CRTC3: variants seen among roughly 807,000 people sequenced by gnomAD.
CRTC3 encodes CREB-regulated transcription coactivator 3.
CRTC3 carries 26 observed loss-of-function variants against 74.5 expected under a neutral mutation model. That is an observed-to-expected ratio of 0.35 (90% CI 0.26 to 0.48). The LOEUF is 0.48. CRTC3 is among the 20% of genes least tolerant of loss of function. The pLI, the probability that CRTC3 is intolerant of heterozygous loss-of-function variation, is 0.99. For missense variants in CRTC3, 760 were observed against 787.3 expected (o/e 0.97, Z 0.41); for synonymous variants, 377 against 325.8 (o/e 1.16, Z -1.69).
intron 2 of CRTC3, among the ~76,000 whole-genome samples, chr15:90,566,263 A>G (rs1377387525): frequency 6.6e-6 from 1 of 152,166 alleles, no homozygotes; most frequent in Non-Finnish European, 1.5e-5. Context: ...GAAAGAAGCC[A>G]TCTCACCCAG....
At chr15:90,615,415 T>C (rs1020773679) in intron 7 of CRTC3, among the ~76,000 whole-genome samples, 4 of 152,254 alleles carry the variant, frequency 2.6e-5, no homozygotes, top group Non-Finnish European at 5.9e-5. Flanking sequence ...TAGGTTTATA[T>C]GTCACAGAGG....
intron 9 of CRTC3, among the ~76,000 whole-genome samples, chr15:90,624,363 T>A (rs1968754441): frequency 6.6e-6 from 1 of 151,932 alleles, no homozygotes; most frequent in Non-Finnish European, 1.5e-5. Flanking sequence ...CAGTGACATT[T>A]CTGAAACGCC....
At chr15:90,630,546 C>T (rs192831842) in intron 11 of CRTC3, among the ~76,000 whole-genome samples, 6 of 152,134 alleles carry the variant, frequency 3.9e-5, no homozygotes, top group East Asian at 1.9e-4. Context: ...CCCAGGAGGT[C>T]GAGGCTGCAG....
chr15:90,531,772 A>G (rs975876338), intron 1 of CRTC3, among the ~76,000 whole-genome samples: 1 of 152,186 alleles, frequency 6.6e-6, no homozygotes, highest in Non-Finnish European at 1.5e-5. Context: ...TTAAATACAT[A>G]CTGTACATTG....
Position 90,530,952 on chromosome 15 carries a change from G to A in CRTC3, c.132+749G>A, listed in dbSNP as rs1305400446. ...GGCAGTGGAGGATGGAGAGCCAACC[G>A]GAGTGTCCGCGCAGGGTTGCAGAGA... On this transcript the variant is annotated intron_variant, in intron 1 of 14. Transcript: ENST00000268184. The surrounding 1 kb of genome is among the most constrained non-coding windows in gnomAD (Gnocchi z 6.2). Among the ~76,000 whole-genome samples the A allele has an allele frequency of 2.0e-5, 3 of 152,258 alleles. No homozygotes were observed. The highest frequency in any genetic ancestry group is 1.9e-4 in the East Asian group (1 of 5,188).
rs913537516 is a variant in CRTC3, at chr15:90,598,636, A to T, written c.352-3688A>T. ...TGAGATGGACTATAAGAAGAGGAAC[A>T]GATTAAGGGGACAGTGATTGGTTGG... is the stretch of plus-strand genomic sequence containing the variant. On this transcript the variant is annotated intron_variant, in intron 3 of 14. Coordinates refer to ENST00000268184, the MANE Select transcript of CRTC3 (RefSeq NM_022769.5). 10 of 652,662 alleles carry T rather than the reference A, an allele frequency of 1.5e-5. No individual in the cohort carries two copies. In the Admixed American group the frequency reaches 2.3e-4, roughly 15 times the overall value. 40.4% of individuals were successfully genotyped at this position (652,662 alleles called of 1,614,324 possible).
intron 2 of CRTC3, among the ~76,000 whole-genome samples, chr15:90,548,857 G>A (rs1029195736): frequency 1.5e-4 from 23 of 152,094 alleles, no homozygotes; most frequent in African/African-American, 2.4e-4. Context: ...AATTCACTAC[G>A]ACTGAGCCAA....
At chr15:90,592,761 G>A (rs1016855468) in intron 2 of CRTC3, among the ~76,000 whole-genome samples, 1 of 152,206 alleles carries the variant, frequency 6.6e-6, no homozygotes, top group African/African-American at 2.4e-5. Context: ...TGGTTTGTGT[G>A]TAAGGATTCA....
At chr15:90,558,839 C>T (rs1966952258) in intron 2 of CRTC3, among the ~76,000 whole-genome samples, 1 of 151,928 alleles carries the variant, frequency 6.6e-6, no homozygotes, top group African/African-American at 2.4e-5. Flanking sequence ...GCAACCTCCA[C>T]CTCCCGGGTT....
intron 11 of CRTC3, chr15:90,634,729 C>A: frequency 1.3e-6 from 1 of 787,968 alleles, no homozygotes; most frequent in Non-Finnish European, 2.2e-6. Context: ...GGAGTCATGG[C>A]AGGACAAGCG....
At position 90,604,421 on chromosome 15, in the gene CRTC3, G is replaced by A. The variant is rs1291180642; in HGVS notation, c.450G>A (p.Gly150=). ...CTTGGAAAGACGAAAAGCATCCTGG[G>A]TTCAGGCTGACATCTGCACTTAACA... The part of the protein sequence containing the change: ...QPPWKDEKHP[G]FRLTSALNRT... Residue 150 remains glycine (G), a synonymous_variant, in exon 5 of 15, where the codon GGG becomes GGA. Coordinates refer to ENST00000268184, the MANE Select transcript of CRTC3 (RefSeq NM_022769.5). The A allele has an allele frequency of 1.2e-6, 2 of 1,613,980 alleles. No individual in the cohort carries two copies.
chr15:90,572,444 G>C (rs1359653673), intron 2 of CRTC3, among the ~76,000 whole-genome samples: 1 of 152,208 alleles, frequency 6.6e-6, no homozygotes, highest in Non-Finnish European at 1.5e-5. Flanking sequence ...AGCTGGGTAA[G>C]AAGGGTTGTA....
chr15:90,637,419 G>A (rs1415801725), intron 11 of CRTC3, among the ~76,000 whole-genome samples: 1 of 152,180 alleles, frequency 6.6e-6, no homozygotes, highest in Non-Finnish European at 1.5e-5. Flanking sequence ...TGCGGGGAAG[G>A]GGGAGGGATA....
In CRTC3 at chr15:90,625,983, A is replaced by C. The variant is rs1968821402; in HGVS notation, c.957A>C (p.Arg319Ser). The C allele has an allele frequency of 6.2e-7, 1 of 1,613,918 alleles. No individual in the cohort carries two copies. The highest frequency in any genetic ancestry group is 1.3e-5 in the African/African-American group (1 of 75,068). ...IPAAMTHLGI[R>S]SSSGLQSSRS... ...CTGCTATGACCCACCTGGGTATAAG[A>C]AGCTCCTCTGGTGAGTATCTCCTGC... The change falls in exon 10 of 15, where the codon AGA becomes AGC. Residue 319 changes from arginine (R) to serine (S), a missense_variant. By Grantham distance (110) the Arg-to-Ser change is moderately radical. Coordinates refer to ENST00000268184, the MANE Select transcript of CRTC3 (RefSeq NM_022769.5).
In CRTC3 at chr15:90,555,926, T is replaced by A. The variant is rs375910050; in HGVS notation, c.231+15789T>A. Reference sequence around the variant, plus strand: ...TTTGTTTTTCATTATAAAAGTAATATGTGCTCATTGTGTAAAATTTGGAAA... The same window carrying A: ...TTTGTTTTTCATTATAAAAGTAATAAGTGCTCATTGTGTAAAATTTGGAAA... On this transcript the variant is annotated intron_variant, in intron 2 of 14. Transcript: ENST00000268184. Among the ~76,000 whole-genome samples the A allele has an allele frequency of 3.9e-5, 6 of 152,296 alleles. No individual in the cohort carries two copies. In the South Asian group the frequency reaches 1.2e-3, roughly 32 times the overall value.
At position 90,542,328 on chromosome 15, in the gene CRTC3, G is replaced by A. The variant is rs764729029; in HGVS notation, c.231+2191G>A. Among the ~76,000 whole-genome samples, 117 of 151,788 alleles carry A rather than the reference G, an allele frequency of 7.7e-4. 1 individual carries two copies. The highest frequency in any genetic ancestry group is 1.5e-3 in the Non-Finnish European group (100 of 67,976). Reference sequence around the variant, plus strand: ...CAAGTAGCTGGGATCATAGGCGTGCGTCACCACGCCTGGCTAATTTTTGTA... The same window carrying A: ...CAAGTAGCTGGGATCATAGGCGTGCATCACCACGCCTGGCTAATTTTTGTA... On this transcript the variant is annotated intron_variant, in intron 2 of 14. Coordinates refer to ENST00000268184, the MANE Select transcript of CRTC3 (RefSeq NM_022769.5).
At chr15:90,534,619 A>C (rs1014204762) in intron 1 of CRTC3, among the ~76,000 whole-genome samples, 11 of 152,170 alleles carry the variant, frequency 7.2e-5, no homozygotes, top group African/African-American at 2.7e-4. Context: ...ATTTTATAGT[A>C]AAATCTGGAC....
intron 1 of CRTC3, among the ~76,000 whole-genome samples, chr15:90,536,437 G>T (rs1966720446): frequency 6.6e-6 from 1 of 151,002 alleles, no homozygotes. Context: ...GGAGGTTGCA[G>T]TGAGCTGTGA....
chr15:90,562,821 C>T (rs888394528), intron 2 of CRTC3, among the ~76,000 whole-genome samples: 17 of 151,896 alleles, frequency 1.1e-4, no homozygotes, highest in African/African-American at 4.1e-4. Context: ...GGTCAGTTGA[C>T]ACTGGAGGGG....
Sources: allele counts gnomAD v4.1 joint callset (sites outside exome capture counted in the v4.1 genomes callset), GRCh38; gene constraint gnomAD v4.1.1; non-coding constraint Gnocchi (gnomAD v3.1); transcripts MANE v1.5; gene names NCBI Gene and HGNC (gene_info 2026-07-23, HGNC 2026-07-21).